FRAS1: variants seen among roughly 807,000 people sequenced by gnomAD.
FRAS1 encodes the protein Fraser extracellular matrix complex subunit 1, also known as extracellular matrix organizing protein FRAS1.
Under a neutral mutation model 435.2 loss-of-function variants are expected in FRAS1, and 290 were observed. That is an observed-to-expected ratio of 0.67 (90% CI 0.61 to 0.73). FRAS1 has a LOEUF of 0.73. FRAS1 is among the 30% of genes least tolerant of loss of function. FRAS1 has a pLI of 0.00. For missense variants in FRAS1, 4,860 were observed against 5,001.5 expected, an observed-to-expected ratio of 0.97 and a Z score of 0.85; for synonymous variants, 1,800 against 1,851.0, an observed-to-expected ratio of 0.97 and a Z score of 0.71.
intron 1 of FRAS1, among the ~76,000 whole-genome samples, chr4:78,063,155 G>C (rs1166129214): frequency 6.6e-6 from 1 of 152,140 alleles, no homozygotes; most frequent in Non-Finnish European, 1.5e-5. Context: ...GATGAATTTT[G>C]TTTTCCATAT....
intron 2 of FRAS1, among the ~76,000 whole-genome samples, chr4:78,172,645 T>C (rs575451991): frequency 2.4e-4 from 36 of 152,258 alleles, no homozygotes; most frequent in African/African-American, 7.7e-4. Flanking sequence ...ACAACTAATT[T>C]TAAAAAGTAA....
At chr4:78,112,370 T>G (rs1215466988) in intron 2 of FRAS1, among the ~76,000 whole-genome samples, 12 of 152,306 alleles carry the variant, frequency 7.9e-5, no homozygotes. Flanking sequence ...CTGCAATCTG[T>G]AGATCTGGAG....
intron 2 of FRAS1, among the ~76,000 whole-genome samples, chr4:78,167,968 C>G (rs751446229): frequency 1.1e-4 from 17 of 151,802 alleles, no homozygotes; most frequent in Non-Finnish European, 2.2e-4. Context: ...ATTTTATGTT[C>G]TATATGTATC....
intron 59 of FRAS1, among the ~76,000 whole-genome samples, chr4:78,489,613 C>A (rs1578354577): frequency 6.6e-6 from 1 of 152,148 alleles, no homozygotes. Flanking sequence ...TTAATGATGT[C>A]ATCTATTCCT....
chr4:78,389,043 A>G (rs542208354), intron 29 of FRAS1, among the ~76,000 whole-genome samples: 97 of 152,346 alleles, frequency 6.4e-4, no homozygotes, highest in African/African-American at 2.1e-3. Flanking sequence ...CCATTCTACA[A>G]CATTTTGTCC....
intron 2 of FRAS1, among the ~76,000 whole-genome samples, chr4:78,226,154 G>A (rs1270646914): frequency 6.6e-6 from 1 of 151,898 alleles, no homozygotes; most frequent in Non-Finnish European, 1.5e-5. Flanking sequence ...TGAATTCTCC[G>A]TTTTTTCATC....
At chr4:78,272,031 A>C (rs2110162941) in intron 9 of FRAS1, among the ~76,000 whole-genome samples, 1 of 152,284 alleles carries the variant, frequency 6.6e-6, no homozygotes, top group Non-Finnish European at 1.5e-5. Flanking sequence ...ACGGTATCTC[A>C]CTGTGGTTTT....
At chr4:78,160,138 A>G (rs1721076520) in intron 2 of FRAS1, among the ~76,000 whole-genome samples, 1 of 152,222 alleles carries the variant, frequency 6.6e-6, no homozygotes, top group African/African-American at 2.4e-5. Context: ...TAATTTACCC[A>G]TAAGTAAATT....
intron 2 of FRAS1, among the ~76,000 whole-genome samples, chr4:78,085,729 C>G (rs960317370): frequency 1.3e-4 from 20 of 152,124 alleles, no homozygotes; most frequent in Non-Finnish European, 2.2e-4. Flanking sequence ...AGCCAACTAT[C>G]CTAAATATAT....
chr4:78,450,484 T>TC, intron 45 of FRAS1, 145 bp downstream of exon 45: 1 of 640,552 alleles, frequency 1.6e-6, no homozygotes, highest in Non-Finnish European at 2.6e-6. Context: ...CTTGTTTTCT[T>TC]ATTTTTTTTT....
intron 2 of FRAS1, among the ~76,000 whole-genome samples, chr4:78,184,928 C>T (rs1367594509): frequency 6.6e-6 from 1 of 152,170 alleles, no homozygotes; most frequent in Non-Finnish European, 1.5e-5. Context: ...TCTGTCCTTC[C>T]TTCTGTGCTC....
At position 78,336,431 on chromosome 4, in the gene FRAS1, G is replaced by T. The variant is rs181915555; in HGVS notation, c.2279-1243G>T. The stretch of plus-strand genomic sequence containing the variant: ...CTCTTCTCTGTCCATGCCTCTTTCC[G>T]CTGGGAGCCAGCAGATGGATGGTAC... On this transcript the variant is annotated intron_variant, in intron 19 of 73. Transcript: ENST00000512123. Among the ~76,000 whole-genome samples the T allele has an allele frequency of 1.6e-3, 243 of 152,198 alleles. 1 individual carries two copies. Among genetic ancestry groups the T allele is most frequent in the African/African-American group, 5.6e-3 (231 of 41,512 alleles).
intron 2 of FRAS1, among the ~76,000 whole-genome samples, chr4:78,192,792 AG>A (rs1722607051): frequency 6.6e-6 from 1 of 152,026 alleles, no homozygotes; most frequent in East Asian, 1.9e-4. Context: ...CTACGATCTT[AG>A]TTACTTCTTG....
rs565700398 is a variant in FRAS1 at position 78,316,742 on chromosome 4, C to G, written c.1820-626C>G. On this transcript the variant is annotated intron_variant, in intron 16 of 73. Coordinates refer to ENST00000512123, the MANE Select transcript of FRAS1 (RefSeq NM_025074.7). ...GTCAGAGTCATTACTGTAATTGTTA[C>G]TTAAAATCCTAGAATGTCAAAGCTG... Among the ~76,000 whole-genome samples the G allele has an allele frequency of 3.3e-5, 5 of 152,316 alleles. No individual in the cohort carries two copies. In the East Asian group the frequency reaches 5.8e-4, roughly 18 times the overall value.
chr4:78,539,207 G>C (rs1410901698), intron 72 of FRAS1, 87 bp from the exon 73 acceptor site: 1 of 1,323,444 alleles, frequency 7.6e-7, no homozygotes, highest in Non-Finnish European at 1.0e-6. Context: ...GGAGTGATGA[G>C]TACTTTTCTC....
chr4:78,150,297 G>T (rs1429965195), intron 2 of FRAS1, among the ~76,000 whole-genome samples: 1 of 152,106 alleles, frequency 6.6e-6, no homozygotes, highest in Non-Finnish European at 1.5e-5. Flanking sequence ...TTTTAGAAGG[G>T]GAACCTATTT....
chr4:78,182,065 G>C (rs2110052089), intron 2 of FRAS1: 2 of 1,506,928 alleles, frequency 1.3e-6, no homozygotes, highest in South Asian at 1.4e-5. Flanking sequence ...CTCGGCGGCG[G>C]GTTCCTCTAC....
chr4:78,371,271 A>G (rs1474910418), intron 23 of FRAS1, among the ~76,000 whole-genome samples: 1 of 152,126 alleles, frequency 6.6e-6, no homozygotes, highest in East Asian at 1.9e-4. Flanking sequence ...TTAACTTTGT[A>G]AATCTTGGAA....
At chr4:78,255,167 T>G in intron 5 of FRAS1, 75 bp from the exon 6 acceptor site, 3 of 1,462,224 alleles carry the variant, frequency 2.1e-6, no homozygotes, top group Non-Finnish European at 2.8e-6. Context: ...CTGCACTGGC[T>G]GCACGCCCAT....
Sources: allele counts gnomAD v4.1 joint callset (sites outside exome capture counted in the v4.1 genomes callset), GRCh38; gene constraint gnomAD v4.1.1; transcripts MANE v1.5; gene names NCBI Gene and HGNC (gene_info 2026-07-23, HGNC 2026-07-21).